THOC2: variants seen among roughly 807,000 people sequenced by gnomAD.
The protein encoded by THOC2 is THO complex 2.
A neutral mutation model predicts 128.4 loss-of-function variants in THOC2; 10 were observed. The ratio of observed to expected loss-of-function variants is 0.08; its 90% CI spans 0.05 to 0.13. The LOEUF is 0.13. Ranked by LOEUF, THOC2 falls within the 10% of genes least tolerant of loss-of-function variation. THOC2 has a pLI of 1.00. For synonymous variants in THOC2, 393 were observed against 396.9 expected, an observed-to-expected ratio of 0.99 and a Z score of 0.12; for missense variants, 535 against 1,155.7, an observed-to-expected ratio of 0.46 and a Z score of 7.79.
intron 33 of THOC2, among the ~76,000 whole-genome samples, chrX:123,615,946 G>A (rs1166708613): frequency 9.0e-6 from 1 of 110,797 alleles, no homozygotes; most frequent in Non-Finnish European, 1.9e-5. Flanking sequence ...ATACCCCTTA[G>A]TTTAGGCATT....
At chrX:123,610,826 G>T in intron 38 of THOC2, 92 bp downstream of exon 38, 1 of 786,953 alleles carries the variant, frequency 1.3e-6, no homozygotes, top group Non-Finnish European at 1.9e-6. Context: ...ACAAGTAGTT[G>T]TAGCTTGTAA....
At chrX:123,706,588 C>T (rs945987900) in intron 3 of THOC2, among the ~76,000 whole-genome samples, 1 of 99,654 alleles carries the variant, frequency 1.0e-5, no homozygotes, top group South Asian at 5.0e-4. Flanking sequence ...ACCAGCTTAC[C>T]TGATATTTCC....
intron 22 of THOC2, among the ~76,000 whole-genome samples, chrX:123,629,114 CAT>C (rs1369543329): frequency 9.4e-6 from 1 of 106,291 alleles, no homozygotes; most frequent in Non-Finnish European, 1.9e-5. Flanking sequence ...ATATATTATA[CAT>C]ATATATACAC....
intron 16 of THOC2, 64 bp downstream of exon 16, chrX:123,640,474 T>C (rs2047869752): frequency 1.3e-6 from 1 of 799,285 alleles, no homozygotes; most frequent in Non-Finnish European, 1.8e-6. Flanking sequence ...CTATTTCCAC[T>C]TGCACTGATT....
intron 8 of THOC2, among the ~76,000 whole-genome samples, chrX:123,680,513 C>G (rs1015835411): frequency 9.1e-5 from 10 of 109,858 alleles, no homozygotes; most frequent in African/African-American, 3.3e-4. Flanking sequence ...GAACGCCGGT[C>G]CCCTGGGCCC....
At chrX:123,677,207 T>A (rs1259770327) in intron 8 of THOC2, among the ~76,000 whole-genome samples, 1 of 111,076 alleles carries the variant, frequency 9.0e-6, no homozygotes, top group Non-Finnish European at 1.9e-5. Flanking sequence ...AACAAAAAAA[T>A]TACGGTATAA....
chrX:123,641,880 A>G (rs180777343), intron 15 of THOC2, among the ~76,000 whole-genome samples: 5 of 112,342 alleles, frequency 4.5e-5, no homozygotes, highest in Non-Finnish European at 7.5e-5. Flanking sequence ...GTAATAAGTT[A>G]ATACATTATA....
chrX:123,686,460 A>T, intron 8 of THOC2, 88 bp downstream of exon 8: 1 of 761,828 alleles, frequency 1.3e-6, no homozygotes, highest in Non-Finnish European at 1.8e-6. Flanking sequence ...AGATGAGACC[A>T]ATCATTTACA....
At chrX:123,687,337 T>A (rs1410667964) in intron 7 of THOC2, among the ~76,000 whole-genome samples, 3 of 111,245 alleles carry the variant, frequency 2.7e-5, no homozygotes, top group Non-Finnish European at 5.7e-5. Context: ...ACCAAGGGAG[T>A]TGGAGGCTCC....
intron 1 of THOC2, among the ~76,000 whole-genome samples, chrX:123,732,745 T>C (rs980770898): frequency 3.6e-5 from 4 of 111,510 alleles, no homozygotes; most frequent in Non-Finnish European, 7.5e-5. Flanking sequence ...GCAGTAGCGA[T>C]TTCTGGGAGG....
chrX:123,721,424 C>T (rs1427891410), intron 1 of THOC2, among the ~76,000 whole-genome samples: 5 of 108,889 alleles, frequency 4.6e-5, no homozygotes, highest in Admixed American at 9.7e-5. Context: ...CTGCCCACCT[C>T]GGCCTCCCAA....
chrX:123,725,544 G>A (rs1461346272), intron 1 of THOC2, among the ~76,000 whole-genome samples: 1 of 101,153 alleles, frequency 9.9e-6, no homozygotes, highest in East Asian at 3.4e-4. Flanking sequence ...GGTCGAGGCT[G>A]CAGTGAGTGG....
At chrX:123,613,818 G>T (rs749107415) in intron 34 of THOC2, 110 bp from the exon 35 acceptor site, 1 of 782,353 alleles carries the variant, frequency 1.3e-6, no homozygotes, top group Non-Finnish European at 1.9e-6. Flanking sequence ...AGTATTTGCA[G>T]TAGTTTCACA....
At chrX:123,629,809 T>C (rs930095003) in intron 22 of THOC2, among the ~76,000 whole-genome samples, 7 of 111,625 alleles carry the variant, frequency 6.3e-5, no homozygotes, top group African/African-American at 2.3e-4. Flanking sequence ...ATGAGCAGAA[T>C]GACTTCTGCT....
At chrX:123,675,452 C>T (rs993563832) in intron 8 of THOC2, among the ~76,000 whole-genome samples, 3 of 110,417 alleles carry the variant, frequency 2.7e-5, no homozygotes, top group African/African-American at 6.6e-5. Flanking sequence ...ACCAGCCTGG[C>T]CAACATGGTG....
chrX:123,619,601 G>A, intron 32 of THOC2, 165 bp from the exon 33 acceptor site: 1 of 473,906 alleles, frequency 2.1e-6, no homozygotes. Context: ...AAAAAAACAT[G>A]TAATGGAATT....
At chrX:123,723,592 T>C (rs1300392624) in intron 1 of THOC2, among the ~76,000 whole-genome samples, 2 of 110,165 alleles carry the variant, frequency 1.8e-5, no homozygotes, top group Non-Finnish European at 3.8e-5. Context: ...CTTGCAACTA[T>C]GAAAATGAAT....
At chrX:123,671,374 C>A (rs1192401905) in intron 9 of THOC2, among the ~76,000 whole-genome samples, 1 of 111,831 alleles carries the variant, frequency 8.9e-6, no homozygotes, top group Non-Finnish European at 1.9e-5. Flanking sequence ...TGAGCTATGC[C>A]TTGATGACAG....
At chrX:123,648,551 T>G (rs752028540) in intron 12 of THOC2, among the ~76,000 whole-genome samples, 1 of 112,280 alleles carries the variant, frequency 8.9e-6, no homozygotes, top group Non-Finnish European at 1.9e-5. Context: ...CCCGGCAAGC[T>G]AAGATGCACC....
Sources: gnomAD v4.1 joint callset for allele counts (sites outside exome capture counted in the v4.1 genomes callset) on GRCh38, gnomAD v4.1.1 for gene constraint, MANE v1.5 for transcripts, NCBI Gene and HGNC (gene_info 2026-07-23, HGNC 2026-07-21) for gene names.